The following CCDC178 variants were observed in gnomAD, a reference collection of about 807,000 sequenced individuals.
CCDC178 encodes the protein coiled-coil domain containing 178, also known as coiled-coil domain-containing protein 178.
A neutral mutation model predicts 117.4 loss-of-function variants in CCDC178; 126 were observed. That is an observed-to-expected ratio of 1.07 (90% CI 0.93 to 1.24). The LOEUF is 1.24. CCDC178 is among the 50% of genes most tolerant of loss of function. The pLI is 0.00. For synonymous variants in CCDC178, 283 were observed against 313.4 expected (o/e 0.90, Z 1.02); for missense variants, 1,030 against 986.9 (o/e 1.04, Z -0.59).
chr18:33,093,635 A>G (rs2057500817), intron 20 of CCDC178, among the ~76,000 whole-genome samples: 1 of 151,940 alleles, frequency 6.6e-6, no homozygotes, highest in African/African-American at 2.4e-5. Context: ...GGGGCTATCT[A>G]TAATTTTAAA....
chr18:33,161,806 T>A (rs1204659968), intron 20 of CCDC178, among the ~76,000 whole-genome samples: 1 of 152,198 alleles, frequency 6.6e-6, no homozygotes, highest in Non-Finnish European at 1.5e-5. Context: ...ATTTTCTTAA[T>A]CTAGTCTATC....
intron 21 of CCDC178, among the ~76,000 whole-genome samples, chr18:33,068,852 T>C (rs1011507360): frequency 6.6e-6 from 1 of 152,034 alleles, no homozygotes; most frequent in African/African-American, 2.4e-5. Context: ...ATAAAAGGCA[T>C]CCAAATTGAA....
At chr18:33,403,867 T>C (rs2063744046) in intron 3 of CCDC178, among the ~76,000 whole-genome samples, 1 of 152,206 alleles carries the variant, frequency 6.6e-6, no homozygotes, top group Admixed American at 6.5e-5. Context: ...TTTTTACTTT[T>C]ATCTCCAGCT....
At chr18:33,087,982 T>C (rs991029555) in intron 21 of CCDC178, among the ~76,000 whole-genome samples, 2 of 152,114 alleles carry the variant, frequency 1.3e-5, no homozygotes, top group African/African-American at 2.4e-5. Flanking sequence ...TCTTTGAGAA[T>C]TTAATATAGA....
chr18:33,288,329 C>T (rs2060126509), intron 12 of CCDC178, among the ~76,000 whole-genome samples: 1 of 109,906 alleles, frequency 9.1e-6, no homozygotes, highest in Non-Finnish European at 1.9e-5. Context: ...CCTCCTCTTC[C>T]CTCCTCTCTC....
intron 5 of CCDC178, among the ~76,000 whole-genome samples, chr18:33,382,203 T>C (rs1279532385): frequency 1.3e-5 from 2 of 152,182 alleles, no homozygotes; most frequent in East Asian, 3.9e-4. Context: ...GATAAAGAGT[T>C]CTTCACCAGA....
At chr18:33,100,685 A>G (rs902406610) in intron 20 of CCDC178, among the ~76,000 whole-genome samples, 1 of 152,098 alleles carries the variant, frequency 6.6e-6, no homozygotes, top group Non-Finnish European at 1.5e-5. Context: ...ATGCTTATTA[A>G]TTATTAAAAA....
At chr18:33,384,097 C>G (rs1247235498) in intron 5 of CCDC178, among the ~76,000 whole-genome samples, 1 of 151,808 alleles carries the variant, frequency 6.6e-6, no homozygotes, top group Non-Finnish European at 1.5e-5. Flanking sequence ...ATCGATCAAG[C>G]AGAAGAGAGA....
intron 21 of CCDC178, among the ~76,000 whole-genome samples, chr18:32,984,184 A>G (rs2055213075): frequency 6.6e-6 from 1 of 151,920 alleles, no homozygotes; most frequent in Non-Finnish European, 1.5e-5. Flanking sequence ...AGAAAATTAA[A>G]GAAGAATTAT....
intron 12 of CCDC178, among the ~76,000 whole-genome samples, chr18:33,272,594 AGAAAT>A (rs544914076): frequency 1.3e-3 from 194 of 151,758 alleles, no homozygotes; most frequent in Middle Eastern, 3.4e-3. Context: ...AGACATCACA[AGAAAT>A]GAAAAGTACA....
intron 6 of CCDC178, among the ~76,000 whole-genome samples, chr18:33,366,029 G>A (rs193100006): frequency 3.0e-4 from 46 of 152,138 alleles, no homozygotes; most frequent in African/African-American, 1.0e-3. Context: ...TGGCAGATGC[G>A]TTGCTGCTAA....
chr18:33,215,683 C>A lies in CCDC178; in HGVS notation c.1945G>T (p.Ala649Ser). ...GTTGCTTCTAGGTCTTTAAAAATTG[C>A]TGAGCGTTTACTCTGAAAAAAAATA... ...ALIETESKRS[A>S]IFKDLEATKS... Residue 649 changes from alanine (A) to serine (S), a missense_variant, in exon 19 of 23, where the codon GCA (alanine) becomes TCA (serine). Transcript: ENST00000383096. 7 of 1,523,942 alleles carry A rather than the reference C, an allele frequency of 4.6e-6. No individual in the cohort carries two copies. The highest frequency in any genetic ancestry group is 6.1e-6 in the Non-Finnish European group (7 of 1,143,416). The allele number at this position is 1,523,942 out of a possible 1,614,324, so 94.4% of individuals were successfully genotyped here.
intron 21 of CCDC178, among the ~76,000 whole-genome samples, chr18:33,064,412 C>T (rs1206999667): frequency 6.6e-6 from 1 of 152,016 alleles, no homozygotes; most frequent in Non-Finnish European, 1.5e-5. Flanking sequence ...AAAACAATAC[C>T]ATTGAGCACT....
chr18:33,062,614 TG>T (rs2056942722), intron 21 of CCDC178, among the ~76,000 whole-genome samples: 1 of 152,156 alleles, frequency 6.6e-6, no homozygotes, highest in African/African-American at 2.4e-5. Flanking sequence ...CCATGAATTC[TG>T]CAATTCCAGC....
intron 22 of CCDC178, among the ~76,000 whole-genome samples, chr18:32,949,819 T>C (rs1483863624): frequency 6.6e-6 from 1 of 152,142 alleles, no homozygotes; most frequent in Non-Finnish European, 1.5e-5. Flanking sequence ...TGGTGCTAGA[T>C]ATTTTCATAT....
At chr18:33,271,203 G>C (rs1314116069) in intron 12 of CCDC178, among the ~76,000 whole-genome samples, 17 of 151,314 alleles carry the variant, frequency 1.1e-4, no homozygotes, top group Admixed American at 1.1e-3. Flanking sequence ...AAGACACAGA[G>C]AAAATAAGTA....
intron 20 of CCDC178, among the ~76,000 whole-genome samples, chr18:33,094,338 G>A (rs1196917227): frequency 1.3e-5 from 2 of 151,830 alleles, no homozygotes; most frequent in Non-Finnish European, 2.9e-5. Context: ...TTTTCCTTTG[G>A]TGGAGATTCT....
intron 21 of CCDC178, among the ~76,000 whole-genome samples, chr18:33,091,275 T>G (rs2057457200): frequency 6.6e-6 from 1 of 151,304 alleles, no homozygotes; most frequent in Non-Finnish European, 1.5e-5. Context: ...ACTAAGATTT[T>G]GGCAGATAGT....
intron 20 of CCDC178, among the ~76,000 whole-genome samples, chr18:33,210,841 T>G (rs2059098607): frequency 6.6e-6 from 1 of 152,024 alleles, no homozygotes; most frequent in Non-Finnish European, 1.5e-5. Flanking sequence ...TAAAATGTAA[T>G]GGCCACATTT....
Sources: allele counts gnomAD v4.1 joint callset (sites outside exome capture counted in the v4.1 genomes callset), GRCh38; gene constraint gnomAD v4.1.1; transcripts MANE v1.5; gene names NCBI Gene and HGNC (gene_info 2026-07-23, HGNC 2026-07-21).